TECPR2: variants seen among roughly 807,000 people sequenced by gnomAD.
TECPR2 encodes the protein tectonin beta-propeller repeat containing 2, also known as tectonin beta-propeller repeat-containing protein 2.
In TECPR2, 65 loss-of-function variants were observed where a neutral mutation model predicts 138.1. That is an observed-to-expected ratio of 0.47 (90% CI 0.39 to 0.58). The LOEUF is 0.58. TECPR2 is among the 20% of genes least tolerant of loss of function. The pLI, the probability that TECPR2 is intolerant of heterozygous loss-of-function variation, is 0.00. For synonymous variants in TECPR2, 746 were observed against 749.8 expected (o/e 0.99, Z 0.08); for missense variants, 1,553 against 1,824.5 (o/e 0.85, Z 2.71).
At chr14:102,488,012 T>C (rs1891073078) in intron 17 of TECPR2, among the ~76,000 whole-genome samples, 1 of 151,580 alleles carries the variant, frequency 6.6e-6, no homozygotes, top group Non-Finnish European at 1.5e-5. Flanking sequence ...TGGCTAATTT[T>C]GTATATTTTT....
rs1567367499 is a variant in TECPR2, at chr14:102,499,147, T to C, written c.*890T>C. ...CTGATGGGTGCAAATGGAACCTGGA[T>C]GTGTGCACGTGTGTCCCAGGTAGGG... On this transcript the variant is annotated 3_prime_UTR_variant, in exon 20 of 20. Coordinates refer to ENST00000359520, the MANE Select transcript of TECPR2 (RefSeq NM_014844.5). The C allele has an allele frequency of 2.8e-6, 2 of 702,968 alleles. No individual in the cohort carries two copies. The highest frequency in any genetic ancestry group is 5.2e-6 in the Non-Finnish European group (2 of 384,988). 43.5% of individuals were successfully genotyped at this position (702,968 alleles called of 1,614,324 possible).
intron 1 of TECPR2, among the ~76,000 whole-genome samples, chr14:102,368,727 A>G (rs2139647561): frequency 6.6e-6 from 1 of 151,800 alleles, no homozygotes; most frequent in Non-Finnish European, 1.5e-5. Context: ...GCTAATTTTG[A>G]TGGCTGAATG....
In TECPR2 at chr14:102,428,244, T is replaced by TTTTTAG; in HGVS notation, c.952-6_952-5insTTTTAG. On this transcript the variant is annotated splice_polypyrimidine_tract_variant and splice_region_variant and intron_variant, in intron 6 of 19. Transcript: ENST00000359520. ...TTTGTTTTTTTTTTTTTTTTTTTTT[T>TTTTTAG]GACAGGCCACAGTTGCTGGTTTGGA... 3 of 1,350,742 alleles carry TTTTTAG rather than the reference T, an allele frequency of 2.2e-6. No individual in the cohort carries two copies. The highest frequency in any genetic ancestry group is 2.9e-6 in the Non-Finnish European group (3 of 1,019,606). 83.7% of individuals were successfully genotyped at this position (1,350,742 alleles called of 1,614,324 possible). A position where few individuals can be genotyped will look rare whatever the true frequency, so the allele number is the denominator to read the frequency against.
chr14:102,433,274 T>G (rs903486335), intron 8 of TECPR2, among the ~76,000 whole-genome samples: 1 of 151,942 alleles, frequency 6.6e-6, no homozygotes, highest in Non-Finnish European at 1.5e-5. Flanking sequence ...GAGCACAGTA[T>G]GCAGTAGGTG....
At chr14:102,444,574 G>A (rs1889919009) in intron 12 of TECPR2, among the ~76,000 whole-genome samples, 1 of 152,006 alleles carries the variant, frequency 6.6e-6, no homozygotes, top group Non-Finnish European at 1.5e-5. Flanking sequence ...ATTGCCATCA[G>A]ATCATTTTAC....
At chr14:102,465,696 T>G in intron 17 of TECPR2, 1 of 977,268 alleles carries the variant, frequency 1.0e-6, no homozygotes. Context: ...AAATGCTGAG[T>G]GCCTCTCCTG....
chr14:102,374,978 T>C (rs1887607543), intron 1 of TECPR2, among the ~76,000 whole-genome samples: 1 of 152,002 alleles, frequency 6.6e-6, no homozygotes. Context: ...CAGACTAGTG[T>C]GTGTGTCAGA....
At chr14:102,434,164 T>G in intron 8 of TECPR2, 71 bp from the exon 9 acceptor site, 1 of 1,309,208 alleles carries the variant, frequency 7.6e-7, no homozygotes, top group East Asian at 2.8e-5. Flanking sequence ...GCCAAAAATA[T>G]GTGTGCAAGT....
chr14:102,388,041 C>G (rs1490350533), intron 2 of TECPR2, among the ~76,000 whole-genome samples: 1 of 152,188 alleles, frequency 6.6e-6, no homozygotes, highest in Non-Finnish European at 1.5e-5. Context: ...TTGGCTTATA[C>G]TTTATAGACA....
At chr14:102,484,859 T>C (rs1165297759) in intron 17 of TECPR2, among the ~76,000 whole-genome samples, 1 of 152,182 alleles carries the variant, frequency 6.6e-6, no homozygotes, top group Non-Finnish European at 1.5e-5. Flanking sequence ...GGTTTCGCCA[T>C]GTTAGTCAGG....
chr14:102,410,127 AC>A (rs1888785279), intron 4 of TECPR2, among the ~76,000 whole-genome samples: 1 of 152,224 alleles, frequency 6.6e-6, no homozygotes, highest in African/African-American at 2.4e-5. Context: ...AAAATATTTT[AC>A]TTTGAAATAA....
chr14:102,432,809 TC>T (rs1304883940), intron 8 of TECPR2, among the ~76,000 whole-genome samples: 1 of 151,898 alleles, frequency 6.6e-6, no homozygotes, highest in Admixed American at 6.6e-5. Flanking sequence ...ATTGAGACCA[TC>T]CTGGCCAACA....
chr14:102,407,512 C>G (rs370784362), intron 3 of TECPR2, 46 bp downstream of exon 3: 11 of 1,538,028 alleles, frequency 7.2e-6, no homozygotes, highest in Non-Finnish European at 9.6e-6. Flanking sequence ...TGGCACATTC[C>G]TCATGGATTT....
At chr14:102,389,383 G>C (rs539328916) in intron 2 of TECPR2, among the ~76,000 whole-genome samples, 52 of 152,216 alleles carry the variant, frequency 3.4e-4, no homozygotes, top group African/African-American at 1.3e-3. Context: ...AAATTGTAGT[G>C]GGTGGAATAG....
intron 1 of TECPR2, among the ~76,000 whole-genome samples, chr14:102,372,576 C>T (rs1887533798): frequency 6.6e-6 from 1 of 152,122 alleles, no homozygotes; most frequent in Admixed American, 6.6e-5. Flanking sequence ...CTTCTTTGTG[C>T]TTTTCTATAT....
At chr14:102,383,600 G>A (rs1887899311) in intron 2 of TECPR2, among the ~76,000 whole-genome samples, 1 of 151,792 alleles carries the variant, frequency 6.6e-6, no homozygotes, top group African/African-American at 2.4e-5. Flanking sequence ...TAGAGACAGG[G>A]TTTTACCATG....
At chr14:102,444,138 A>G (rs1185354041) in intron 12 of TECPR2, among the ~76,000 whole-genome samples, 1 of 151,238 alleles carries the variant, frequency 6.6e-6, no homozygotes, top group Non-Finnish European at 1.5e-5. Flanking sequence ...GTGACGGCTT[A>G]GGTCCAAATA....
chr14:102,488,204 CTT>C (rs956074734), intron 17 of TECPR2, among the ~76,000 whole-genome samples: 1 of 150,770 alleles, frequency 6.6e-6, no homozygotes, highest in Non-Finnish European at 1.5e-5. Context: ...TCACCTACTA[CTT>C]TTTTTTTGTT....
chr14:102,497,214 G>A, intron 18 of TECPR2, 94 bp downstream of exon 18: 2 of 1,499,524 alleles, frequency 1.3e-6, no homozygotes, highest in Non-Finnish European at 1.8e-6. Context: ...CTGTCTGTGA[G>A]GCAGCCTTTG....
Sources: allele counts gnomAD v4.1 joint callset (sites outside exome capture counted in the v4.1 genomes callset), GRCh38; gene constraint gnomAD v4.1.1; transcripts MANE v1.5; gene names NCBI Gene and HGNC (gene_info 2026-07-23, HGNC 2026-07-21).